RASGRP1: variants seen among roughly 807,000 people sequenced by gnomAD.
RASGRP1 encodes the protein RAS guanyl-releasing protein 1.
In RASGRP1, 37 loss-of-function variants were observed where a neutral mutation model predicts 95.1. The observed-to-expected ratio is 0.39, with a 90% CI of 0.30 to 0.51. The LOEUF is 0.51. Ranked by LOEUF, RASGRP1 falls within the 20% of genes least tolerant of loss-of-function variation. The pLI, the probability that RASGRP1 is intolerant of heterozygous loss-of-function variation, is 0.80. For synonymous variants in RASGRP1, 325 were observed against 353.4 expected (o/e 0.92, Z 0.90); for missense variants, 711 against 965.4 (o/e 0.74, Z 3.49).
At chr15:38,512,171 G>T (rs948779935) in intron 7 of RASGRP1, among the ~76,000 whole-genome samples, 2 of 152,212 alleles carry the variant, frequency 1.3e-5, no homozygotes, top group Non-Finnish European at 2.9e-5. Context: ...GTTGGAGAAA[G>T]ATATTATTAA....
At chr15:38,547,124 A>G (rs1264921364) in intron 2 of RASGRP1, among the ~76,000 whole-genome samples, 2 of 152,188 alleles carry the variant, frequency 1.3e-5, no homozygotes, top group Non-Finnish European at 2.9e-5. Context: ...ACATGTATAC[A>G]CTTTGAGTAC....
At chr15:38,538,558 C>T (rs374712564) in intron 2 of RASGRP1, among the ~76,000 whole-genome samples, 2 of 152,168 alleles carry the variant, frequency 1.3e-5, no homozygotes, top group Admixed American at 6.5e-5. Flanking sequence ...ACAGCCTTTA[C>T]GTATATTAAC....
At chr15:38,541,346 T>C (rs1892850178) in intron 2 of RASGRP1, among the ~76,000 whole-genome samples, 1 of 152,116 alleles carries the variant, frequency 6.6e-6, no homozygotes, top group Admixed American at 6.5e-5. Flanking sequence ...ATCACAGCAC[T>C]TGGGGAGTCT....
chr15:38,498,413 A>G (rs1164031324), intron 15 of RASGRP1, among the ~76,000 whole-genome samples: 1 of 152,182 alleles, frequency 6.6e-6, no homozygotes, highest in Non-Finnish European at 1.5e-5. Flanking sequence ...TACATTATAT[A>G]TACACACACA....
chr15:38,541,331 G>A (rs756272317), intron 2 of RASGRP1, among the ~76,000 whole-genome samples: 119 of 152,254 alleles, frequency 7.8e-4, no homozygotes, highest in Admixed American at 6.5e-4. Context: ...GTGTGGTGAC[G>A]TGTAATCACA....
Position 38,564,540 on chromosome 15 carries a change from CTT to C in RASGRP1, c.35+52_35+53del, listed in dbSNP as rs891140241. ...GTGTTGGGGCGACGGGCAGGGGCCT[CTT>C]TCCCAAGAAAGGACACAGGCGCTCC... On this transcript the variant is annotated intron_variant, in intron 1 of 16. Coordinates refer to ENST00000310803, the MANE Select transcript of RASGRP1 (RefSeq NM_005739.4). 2.0e-5 allele frequency: 26 copies of C among 1,320,820 alleles called. No individual in the cohort carries two copies. In the African/African-American group the frequency reaches 3.4e-4, roughly 17 times the overall value. 81.8% of individuals were successfully genotyped at this position (1,320,820 alleles called of 1,614,324 possible). A position where few individuals can be genotyped will look rare whatever the true frequency, so the allele number is the denominator to read the frequency against.
At chr15:38,542,513 T>A (rs1178340429) in intron 2 of RASGRP1, among the ~76,000 whole-genome samples, 2 of 151,574 alleles carry the variant, frequency 1.3e-5, no homozygotes, top group Non-Finnish European at 2.9e-5. Flanking sequence ...ATTGAGTTCA[T>A]CCTTGCCCTG....
intron 13 of RASGRP1, among the ~76,000 whole-genome samples, 178 bp from the exon 14 acceptor site, chr15:38,500,317 A>T (rs1890961890): frequency 6.6e-6 from 1 of 151,642 alleles, no homozygotes; most frequent in Non-Finnish European, 1.5e-5. Flanking sequence ...GTTTATGCTG[A>T]TCAAAGTTTC....
intron 8 of RASGRP1, among the ~76,000 whole-genome samples, chr15:38,509,772 A>G (rs1232615453): frequency 6.6e-6 from 1 of 152,196 alleles, no homozygotes; most frequent in Admixed American, 6.6e-5. Flanking sequence ...GGGATTTTCC[A>G]TTAAATTTTT....
intron 2 of RASGRP1, among the ~76,000 whole-genome samples, chr15:38,541,964 A>G (rs1401287810): frequency 1.3e-5 from 2 of 152,218 alleles, no homozygotes; most frequent in African/African-American, 4.8e-5. Context: ...AGGAAGGGTC[A>G]GATTCTGATA....
intron 16 of RASGRP1, among the ~76,000 whole-genome samples, chr15:38,492,976 G>T (rs1163069693): frequency 6.6e-6 from 1 of 151,582 alleles, no homozygotes; most frequent in African/African-American, 2.4e-5. Flanking sequence ...CGCCTCCCAG[G>T]TTCATGCCAT....
intron 15 of RASGRP1, among the ~76,000 whole-genome samples, chr15:38,495,218 G>A (rs1443629810): frequency 2.0e-5 from 3 of 152,268 alleles, no homozygotes; most frequent in East Asian, 3.9e-4. Context: ...CTGGGAACCC[G>A]TTTGTACAGT....
At chr15:38,555,994 T>C (rs1452376540) in intron 2 of RASGRP1, among the ~76,000 whole-genome samples, 1 of 152,150 alleles carries the variant, frequency 6.6e-6, no homozygotes, top group Non-Finnish European at 1.5e-5. Flanking sequence ...AAGCCTTCCA[T>C]TTGGCCCCAA....
intron 2 of RASGRP1, among the ~76,000 whole-genome samples, chr15:38,554,529 A>G (rs1893473197): frequency 6.6e-6 from 1 of 152,174 alleles, no homozygotes; most frequent in Admixed American, 6.5e-5. Flanking sequence ...AAACACTGCC[A>G]AGCAGGAGAG....
intron 2 of RASGRP1, among the ~76,000 whole-genome samples, chr15:38,548,594 TA>T (rs1213519312): frequency 1.3e-5 from 2 of 151,866 alleles, no homozygotes; most frequent in African/African-American, 4.9e-5. Context: ...TATGGAAAAT[TA>T]TAAGCATGTA....
chr15:38,498,842 C>T lies in RASGRP1; in HGVS notation c.1825G>A (p.Gly609Arg), dbSNP rs1315324954. 3 of 1,613,752 alleles carry T rather than the reference C, an allele frequency of 1.9e-6. No individual in the cohort carries two copies. The highest frequency in any genetic ancestry group is 2.5e-6 in the Non-Finnish European group (3 of 1,179,870). The stretch of plus-strand genomic sequence containing the variant: ...AATGAGCAAAGGTTGGACACTGGCC[C>T]CACAGAAGTGTTGTTCTCTGTGGGA... Reference protein sequence around the residue: ...VAPTENNTSVGPVSNLCSLGA... With the variant: ...VAPTENNTSVRPVSNLCSLGA... Residue 609 changes from glycine (G) to arginine (R), a missense_variant, in exon 15 of 17, where the codon GGG (glycine) becomes AGG (arginine). Coordinates refer to ENST00000310803, the MANE Select transcript of RASGRP1 (RefSeq NM_005739.4).
intron 2 of RASGRP1, among the ~76,000 whole-genome samples, chr15:38,557,899 G>A (rs1236093875): frequency 6.6e-6 from 1 of 152,142 alleles, no homozygotes; most frequent in Non-Finnish European, 1.5e-5. Flanking sequence ...GGTCTGTTAA[G>A]GGGATTGAAT....
intron 3 of RASGRP1, among the ~76,000 whole-genome samples, chr15:38,525,990 GATGA>G (rs1336195244): frequency 2.0e-5 from 3 of 152,140 alleles, no homozygotes; most frequent in Non-Finnish European, 1.5e-5. Context: ...ATTTGCACAG[GATGA>G]ATATCTATTT....
chr15:38,519,427 T>G, intron 3 of RASGRP1, 56 bp from the exon 4 acceptor site: 1 of 1,296,250 alleles, frequency 7.7e-7, no homozygotes, highest in Non-Finnish European at 1.1e-6. Flanking sequence ...AAACGACTTT[T>G]CATCTTTGGA....
Sources: gnomAD v4.1 joint callset for allele counts (sites outside exome capture counted in the v4.1 genomes callset) on GRCh38, gnomAD v4.1.1 for gene constraint, MANE v1.5 for transcripts, NCBI Gene and HGNC (gene_info 2026-07-23, HGNC 2026-07-21) for gene names.